The following SUGCT variants were observed in gnomAD, a reference collection of about 807,000 sequenced individuals.
SUGCT encodes the protein succinyl-CoA:glutarate CoA-transferase.
In SUGCT, 41 loss-of-function variants were observed where a neutral mutation model predicts 55.0. The observed-to-expected ratio is 0.74, with a 90% confidence interval of 0.58 to 0.97. The LOEUF is 0.97. Ranked by LOEUF, SUGCT falls within the 50% of genes least tolerant of loss-of-function variation. The pLI is 0.00. For synonymous variants in SUGCT, 187 were observed against 200.4 expected, an observed-to-expected ratio of 0.93 and a Z score of 0.56; for missense variants, 568 against 547.8, an observed-to-expected ratio of 1.04 and a Z score of -0.37.
the SUGCT span, among the ~76,000 whole-genome samples, chr7:40,982,806 C>T: frequency 6.6e-6 from 1 of 152,008 alleles, no homozygotes; most frequent in Admixed American, 6.6e-5. Flanking sequence ...TGCCACTATG[C>T]CCAGCTAATT....
chr7:40,504,836 G>A (rs189234920), intron 12 of SUGCT, among the ~76,000 whole-genome samples: 2 of 152,262 alleles, frequency 1.3e-5, no homozygotes, highest in African/African-American at 4.8e-5. Flanking sequence ...TTAATATAAA[G>A]AGATTATTTA....
At chr7:41,011,242 G>A in the SUGCT span, among the ~76,000 whole-genome samples, 1 of 152,212 alleles carries the variant, frequency 6.6e-6, no homozygotes, top group African/African-American at 2.4e-5. Flanking sequence ...GCGGATAGAA[G>A]AACAAGCAGG....
chr7:40,376,782 A>C (rs957203277), intron 9 of SUGCT, among the ~76,000 whole-genome samples: 2 of 151,408 alleles, frequency 1.3e-5, no homozygotes, highest in African/African-American at 2.4e-5. Flanking sequence ...ACTCTATTGA[A>C]GTTTCCTTCT....
the SUGCT span, among the ~76,000 whole-genome samples, chr7:41,018,428 G>A: frequency 6.6e-6 from 1 of 152,152 alleles, no homozygotes; most frequent in African/African-American, 2.4e-5. Context: ...GAAAGGTGAG[G>A]AAGCATGGCA....
intron 9 of SUGCT, among the ~76,000 whole-genome samples, chr7:40,432,416 G>A (rs1350669155): frequency 6.6e-6 from 1 of 151,998 alleles, no homozygotes; most frequent in Non-Finnish European, 1.5e-5. Context: ...GGCCAGGTGC[G>A]GTGGCTTACG....
chr7:40,163,644 GCA>G (rs1393933673), intron 1 of SUGCT, among the ~76,000 whole-genome samples: 32 of 151,148 alleles, frequency 2.1e-4, no homozygotes, highest in Admixed American at 5.3e-4. Flanking sequence ...ATAATATCTA[GCA>G]CAGATTAGTT....
chr7:40,718,134 T>A (rs1280720227), intron 12 of SUGCT, among the ~76,000 whole-genome samples: 2 of 152,208 alleles, frequency 1.3e-5, no homozygotes, highest in Non-Finnish European at 2.9e-5. Flanking sequence ...TCATATTTCA[T>A]GCAAAGCAAT....
chr7:40,240,905 A>G (rs1331824897), intron 7 of SUGCT, among the ~76,000 whole-genome samples: 1 of 152,188 alleles, frequency 6.6e-6, no homozygotes, highest in East Asian at 1.9e-4. Context: ...TTAGCCGATT[A>G]GCATTAGAGA....
At chr7:40,300,125 A>G (rs997467796) in intron 8 of SUGCT, among the ~76,000 whole-genome samples, 2 of 152,186 alleles carry the variant, frequency 1.3e-5, no homozygotes, top group African/African-American at 4.8e-5. Context: ...ATTCCCTTGG[A>G]TGATATTTTT....
At chr7:40,738,182 G>T (rs1787275886) in intron 12 of SUGCT, among the ~76,000 whole-genome samples, 1 of 141,588 alleles carries the variant, frequency 7.1e-6, no homozygotes. Flanking sequence ...GGGTGAGAGA[G>T]CGAGACTCCA....
At chr7:40,869,120 C>G in the SUGCT span, among the ~76,000 whole-genome samples, 1 of 152,160 alleles carries the variant, frequency 6.6e-6, no homozygotes, top group East Asian at 1.9e-4. Flanking sequence ...CCCAGCCACA[C>G]ACACTGTCTC....
At chr7:40,810,354 C>T (rs1791345248) in intron 13 of SUGCT, among the ~76,000 whole-genome samples, 2 of 152,164 alleles carry the variant, frequency 1.3e-5, no homozygotes, top group Admixed American at 6.5e-5. Context: ...CTGCTTTCCA[C>T]AGTGGCTGAA....
At chr7:40,579,757 G>A (rs1032981735) in intron 12 of SUGCT, among the ~76,000 whole-genome samples, 2 of 152,176 alleles carry the variant, frequency 1.3e-5, no homozygotes, top group African/African-American at 2.4e-5. Context: ...TTCAGGCCAC[G>A]TGAATGACAT....
intron 12 of SUGCT, among the ~76,000 whole-genome samples, chr7:40,506,930 T>G (rs1416494460): frequency 6.6e-6 from 1 of 152,206 alleles, no homozygotes; most frequent in Non-Finnish European, 1.5e-5. Flanking sequence ...ATTATCTCCT[T>G]TAGGAGACAG....
intron 13 of SUGCT, among the ~76,000 whole-genome samples, chr7:40,789,890 A>T (rs1284310197): frequency 6.6e-6 from 1 of 152,088 alleles, no homozygotes; most frequent in Non-Finnish European, 1.5e-5. Context: ...GTGGAGGGGG[A>T]GTCTCAGAAG....
At chr7:40,740,395 T>C (rs1477195944) in intron 12 of SUGCT, among the ~76,000 whole-genome samples, 2 of 151,234 alleles carry the variant, frequency 1.3e-5, no homozygotes, top group Non-Finnish European at 3.0e-5. Flanking sequence ...TTGTTCCTTT[T>C]ATTTTTATTT....
In SUGCT at chr7:40,496,522, G is replaced by C. The variant is rs931447401; in HGVS notation, c.1089+136G>C. ...TCATATTAAAATTGTTTGTGGGTCT[G>C]AGATAAAAAGAACCAGAACTTAGAA... On this transcript the variant is annotated intron_variant, in intron 12 of 13. Transcript: ENST00000335693. The C allele has an allele frequency of 4.6e-5, 31 of 668,250 alleles. No individual in the cohort carries two copies. In the Admixed American group the frequency reaches 6.8e-4, roughly 15 times the overall value. 41.4% of individuals were successfully genotyped at this position (668,250 alleles called of 1,614,324 possible). A position where few individuals can be genotyped will look rare whatever the true frequency, so the allele number is the denominator to read the frequency against.
At chr7:40,639,009 ACGCT>A (rs1800144056) in intron 12 of SUGCT, among the ~76,000 whole-genome samples, 2 of 152,210 alleles carry the variant, frequency 1.3e-5, no homozygotes, top group Non-Finnish European at 2.9e-5. Flanking sequence ...TAGAAATCTC[ACGCT>A]ATTGAGATTG....
At chr7:40,434,678 A>G (rs1408923088) in intron 9 of SUGCT, among the ~76,000 whole-genome samples, 1 of 152,166 alleles carries the variant, frequency 6.6e-6, no homozygotes, top group Non-Finnish European at 1.5e-5. Context: ...TGCATTTTAG[A>G]TGCCTTGAGT....
Sources: allele counts gnomAD v4.1 joint callset (sites outside exome capture counted in the v4.1 genomes callset), GRCh38; gene constraint gnomAD v4.1.1; transcripts MANE v1.5; gene names NCBI Gene and HGNC (gene_info 2026-07-23, HGNC 2026-07-21).